CAPS2: variants seen among roughly 807,000 people sequenced by gnomAD.
CAPS2 encodes the protein calcyphosin-2.
A neutral mutation model predicts 86.5 loss-of-function variants in CAPS2; 98 were observed. The ratio of observed to expected loss-of-function variants is 1.13; its 90% CI spans 0.96 to 1.34. The LOEUF is 1.34. Among genes scored for constraint, CAPS2 ranks in the 40% most tolerant of loss-of-function variants. CAPS2 has a pLI of 0.00. For missense variants in CAPS2, 729 were observed against 686.8 expected (o/e 1.06, Z -0.69); for synonymous variants, 210 against 225.1 (o/e 0.93, Z 0.60).
chr12:75,318,797 T>C (rs530874363), intron 5 of CAPS2, among the ~76,000 whole-genome samples: 1 of 152,200 alleles, frequency 6.6e-6, no homozygotes, highest in South Asian at 2.1e-4. Flanking sequence ...TTTCCTTCCA[T>C]TAGGATATAA....
intron 1 of CAPS2, chr12:75,390,279 T>A (rs1380270408): frequency 4.4e-6 from 2 of 456,032 alleles, no homozygotes; most frequent in Non-Finnish European, 8.8e-6. Flanking sequence ...ATTAGCCAAT[T>A]TTGTCTGGAA....
intron 5 of CAPS2, among the ~76,000 whole-genome samples, chr12:75,320,057 A>C (rs1014014131): frequency 2.0e-5 from 3 of 152,116 alleles, no homozygotes; most frequent in Non-Finnish European, 2.9e-5. Flanking sequence ...AAACTTAATA[A>C]TTTCACACCT....
chr12:75,357,492 C>T (rs1205935733), intron 1 of CAPS2, among the ~76,000 whole-genome samples: 3 of 151,946 alleles, frequency 2.0e-5, no homozygotes, highest in Non-Finnish European at 4.4e-5. Flanking sequence ...TAGAGTTGAA[C>T]ACTCTCAAGC....
intron 11 of CAPS2, among the ~76,000 whole-genome samples, chr12:75,296,209 T>TTATGCATAGAAGCATA (rs34730771): frequency 2.6e-5 from 4 of 151,846 alleles, no homozygotes; most frequent in African/African-American, 9.7e-5. Context: ...TGTAACAGTG[T>TTATGCATAGAAGCATA]TGTGTGTATA....
chr12:75,326,628 G>A (rs2040813847), upstream of CAPS2: 2 of 641,916 alleles, frequency 3.1e-6, no homozygotes, highest in Admixed American at 2.5e-5. Context: ...GAAATCATAA[G>A]GTTAATCACT....
At chr12:75,285,032 C>T (rs1257660719) in exon 15 of CAPS2, 2 of 1,611,412 alleles carry the variant, frequency 1.2e-6, no homozygotes, top group African/African-American at 1.3e-5. Context: ...CCATAATCAA[C>T]CTTGCCATTG....
upstream of CAPS2, chr12:75,329,897 G>A: frequency 6.5e-7 from 1 of 1,540,528 alleles, no homozygotes; most frequent in East Asian, 2.5e-5. Flanking sequence ...GGACAGGCGA[G>A]GGGCACAAGA....
At chr12:75,308,953 G>A (rs1254090400) in intron 7 of CAPS2, among the ~76,000 whole-genome samples, 5 of 148,924 alleles carry the variant, frequency 3.4e-5, no homozygotes, top group Admixed American at 6.7e-5. Flanking sequence ...GGCCAGCTAC[G>A]TTTGGACCAA....
intron 13 of CAPS2, among the ~76,000 whole-genome samples, chr12:75,290,914 G>T (rs1255025961): frequency 8.9e-6 from 1 of 112,102 alleles, no homozygotes; most frequent in Non-Finnish European, 1.9e-5. Flanking sequence ...ATGGAGCAAG[G>T]CTCTCTCTCA....
At chr12:75,313,678 C>A (rs1459133197) in intron 6 of CAPS2, among the ~76,000 whole-genome samples, 1 of 152,034 alleles carries the variant, frequency 6.6e-6, no homozygotes, top group East Asian at 1.9e-4. Context: ...ATTAAGAGGT[C>A]AAAATAAAGC....
chr12:75,359,313 A>G (rs967038006), intron 1 of CAPS2, among the ~76,000 whole-genome samples: 1 of 127,386 alleles, frequency 7.9e-6, no homozygotes, highest in Admixed American at 8.5e-5. Flanking sequence ...AGCGACATAT[A>G]TGTTGTTCAG....
chr12:75,296,164 A>C (rs777518699), intron 11 of CAPS2, among the ~76,000 whole-genome samples: 1 of 152,000 alleles, frequency 6.6e-6, no homozygotes, highest in Non-Finnish European at 1.5e-5. Flanking sequence ...CCTGTAAATA[A>C]TTATTATGTT....
At chr12:75,362,038 A>T (rs2043630019) in intron 1 of CAPS2, among the ~76,000 whole-genome samples, 1 of 152,184 alleles carries the variant, frequency 6.6e-6, no homozygotes. Flanking sequence ...TAAAATTAAA[A>T]ATAACTACTA....
At chr12:75,365,719 A>G (rs910652604) in intron 1 of CAPS2, among the ~76,000 whole-genome samples, 10 of 152,258 alleles carry the variant, frequency 6.6e-5, no homozygotes, top group Middle Eastern at 3.4e-3. Context: ...CAGTATTTAT[A>G]AAAACTGTGA....
At chr12:75,383,445 C>T (rs1047269239) in intron 1 of CAPS2, among the ~76,000 whole-genome samples, 1 of 152,050 alleles carries the variant, frequency 6.6e-6, no homozygotes, top group Non-Finnish European at 1.5e-5. Context: ...TAAACAGAGG[C>T]ATTACATAAT....
chr12:75,296,921 T>A (rs188566279), intron 11 of CAPS2, among the ~76,000 whole-genome samples: 2 of 152,356 alleles, frequency 1.3e-5, no homozygotes, highest in East Asian at 3.9e-4. Flanking sequence ...GGATATCTAA[T>A]AAATTGTAAA....
chr12:75,308,336 A>T (rs2038749993), intron 7 of CAPS2, among the ~76,000 whole-genome samples: 1 of 152,208 alleles, frequency 6.6e-6, no homozygotes, highest in Non-Finnish European at 1.5e-5. Flanking sequence ...TGTATTTGTC[A>T]TTACATACAT....
intron 7 of CAPS2, 39 bp from the exon 8 acceptor site, chr12:75,304,915 T>A (rs756163297): frequency 3.8e-6 from 6 of 1,591,620 alleles, no homozygotes; most frequent in Non-Finnish European, 5.1e-6. Flanking sequence ...TTAAATATGA[T>A]CATGCATTAC....
chr12:75,319,921 T>C (rs2040138167), intron 5 of CAPS2, among the ~76,000 whole-genome samples: 2 of 152,168 alleles, frequency 1.3e-5, no homozygotes, highest in Non-Finnish European at 2.9e-5. Flanking sequence ...ATTCTCATAA[T>C]GGTATACATT....
Sources: allele counts gnomAD v4.1 joint callset (sites outside exome capture counted in the v4.1 genomes callset), GRCh38; gene constraint gnomAD v4.1.1; transcripts MANE v1.5; gene names NCBI Gene and HGNC (gene_info 2026-07-23, HGNC 2026-07-21).